Variants in CCDC170 observed in about 807,000 individuals in gnomAD.
CCDC170 encodes coiled-coil domain containing 170, also known as coiled-coil domain-containing protein 170.
Under a neutral mutation model 72.6 loss-of-function variants are expected in CCDC170, and 69 were observed. That is an observed-to-expected ratio of 0.95 (90% CI 0.78 to 1.16). The LOEUF is 1.16. CCDC170 is among the 50% of genes most tolerant of loss of function. The probability of loss-of-function intolerance (pLI) is 0.00; values close to 1 mark genes in which losing one functional copy is unlikely to be tolerated. For missense variants in CCDC170, 852 were observed against 832.5 expected (o/e 1.02, Z -0.29); for synonymous variants, 300 against 303.9 (o/e 0.99, Z 0.13).
intron 6 of CCDC170, among the ~76,000 whole-genome samples, chr6:151,584,065 A>T (rs1776416107): frequency 6.6e-6 from 1 of 152,258 alleles, no homozygotes; most frequent in Admixed American, 6.5e-5. Flanking sequence ...TGACACAGGG[A>T]CACAAAGTGA....
At chr6:151,513,743 AC>A (rs1782183755) in intron 1 of CCDC170, among the ~76,000 whole-genome samples, 1 of 151,356 alleles carries the variant, frequency 6.6e-6, no homozygotes, top group East Asian at 1.9e-4. Context: ...GATGATGAAA[AC>A]CCCGTCTCTA....
In CCDC170 at chr6:151,548,415, A is replaced by G. The variant is rs1292846871; in HGVS notation, c.700A>G (p.Arg234Gly). Residue 234 changes from arginine to glycine, a missense_variant, in exon 5 of 11, where the codon AGG (arginine) becomes GGG (glycine). Coordinates refer to ENST00000239374, the MANE Select transcript of CCDC170 (RefSeq NM_025059.4). ...AAAAGCTAGCAGAGAAACGATCATG[A>G]GGCTGGCTTCAGAAGTCAACAGAGA... The part of the protein sequence containing the change: ...EAKASRETIM[R>G]LASEVNREQK... 2.5e-6 allele frequency: 4 copies of G among 1,613,000 alleles called. No individual in the cohort carries two copies. In the African/African-American group the frequency reaches 5.3e-5, roughly 22 times the overall value.
intron 5 of CCDC170, among the ~76,000 whole-genome samples, chr6:151,570,839 C>A (rs547091249): frequency 1.3e-5 from 2 of 152,248 alleles, no homozygotes; most frequent in East Asian, 3.9e-4. Flanking sequence ...CTTTTAAGGA[C>A]CGTCATTTAA....
chr6:151,548,103 C>A (rs1021678059), intron 4 of CCDC170, among the ~76,000 whole-genome samples: 9 of 152,142 alleles, frequency 5.9e-5, no homozygotes, highest in Non-Finnish European at 1.0e-4. Context: ...CTTGTGGCCA[C>A]CTTTTGGATA....
intron 5 of CCDC170, among the ~76,000 whole-genome samples, chr6:151,563,852 G>A (rs1345530018): frequency 6.6e-6 from 1 of 152,148 alleles, no homozygotes; most frequent in Non-Finnish European, 1.5e-5. Flanking sequence ...CTTCTCAGGG[G>A]TCAATCTCTG....
chr6:151,582,956 C>T (rs1287110372), intron 6 of CCDC170, among the ~76,000 whole-genome samples: 1 of 150,658 alleles, frequency 6.6e-6, no homozygotes, highest in Admixed American at 6.6e-5. Context: ...CAAATATCCA[C>T]ACTGTATCAG....
chr6:151,548,524 C>A lies in CCDC170; in HGVS notation c.774+35C>A, dbSNP rs374638370. 1.1e-4 allele frequency: 158 copies of A among 1,444,058 alleles called. 1 individual carries two copies. The highest frequency in any genetic ancestry group is 1.3e-4 in the Non-Finnish European group (146 of 1,086,032). The allele number at this position is 1,444,058 out of a possible 1,614,324, so 89.5% of individuals were successfully genotyped here. A position where few individuals can be genotyped will look rare whatever the true frequency, so the allele number is the denominator to read the frequency against. On this transcript the variant is annotated intron_variant, in intron 5 of 10. Transcript: ENST00000239374. ...GTGAAGTATACGTGTGCATCTGGGACCATGTTGAAGAAGCAGAAATGGAAG... is the reference window on the plus strand; with the variant it reads ...GTGAAGTATACGTGTGCATCTGGGAACATGTTGAAGAAGCAGAAATGGAAG...
chr6:151,522,452 G>T (rs920114446), intron 1 of CCDC170, among the ~76,000 whole-genome samples: 7 of 152,088 alleles, frequency 4.6e-5, no homozygotes, highest in Admixed American at 2.0e-4. Flanking sequence ...GACTCATTCC[G>T]ATCACCTGCT....
chr6:151,562,042 C>T (rs898127153), intron 5 of CCDC170, among the ~76,000 whole-genome samples: 13 of 151,954 alleles, frequency 8.6e-5, no homozygotes, highest in African/African-American at 3.1e-4. Flanking sequence ...TTTGAAATTA[C>T]TTTAGTGATT....
chr6:151,542,176 G>A (rs1432768836), intron 3 of CCDC170, among the ~76,000 whole-genome samples: 1 of 151,044 alleles, frequency 6.6e-6, no homozygotes, highest in Non-Finnish European at 1.5e-5. Flanking sequence ...CACTGTACCT[G>A]GCCATATGTT....
rs377387471 is a variant in CCDC170 at position 151,596,512 on chromosome 6, C to A, written c.1645C>A (p.Leu549Met). Residue 549 changes from leucine to methionine, a missense_variant, in exon 9 of 11, where the codon CTG (leucine) becomes ATG (methionine). Transcript: ENST00000239374. ...QKKVERLQKE[L>M]NTCRDLHTEL... is the part of the protein sequence containing the mutation. The stretch of plus-strand genomic sequence containing the variant: ...GAAGGTGGAGAGGCTGCAGAAAGAG[C>A]TGAACACGTGTCGAGACTTGCACAC... The A allele has an allele frequency of 1.2e-6, 2 of 1,614,024 alleles. No homozygotes were observed. Among genetic ancestry groups the A allele is most frequent in the Admixed American group, 1.7e-5 (1 of 59,988 alleles).
At position 151,544,632 on chromosome 6, in the gene CCDC170, T is replaced by C. The variant is rs2115054658; in HGVS notation, c.504T>C (p.His168=). Residue 168 remains histidine, a synonymous_variant, in exon 4 of 11, where the codon CAT becomes CAC. Transcript: ENST00000239374. ...AAGTTTCAAAGAATTGCAGGAAACA[T>C]GAGGAATTTCTGACTCAACTGCGTG... ...KKQVSKNCRK[H]EEFLTQLRDC... The C allele has an allele frequency of 6.2e-7, 1 of 1,613,694 alleles. No individual in the cohort carries two copies. The highest frequency in any genetic ancestry group is 8.5e-7 in the Non-Finnish European group (1 of 1,179,654).
At chr6:151,596,718 T>C (rs578236482) in intron 9 of CCDC170, 141 bp downstream of exon 9, 8 of 1,230,666 alleles carry the variant, frequency 6.5e-6, no homozygotes, top group Non-Finnish European at 8.8e-6. Flanking sequence ...ATGGGAAAAA[T>C]GCAAAAATGA....
In CCDC170 at chr6:151,532,073, G is replaced by T. The variant is rs562273344; in HGVS notation, c.58-4245G>T. 3.9e-5 allele frequency among the ~76,000 whole-genome samples: 6 copies of T among 152,026 alleles called. No homozygotes were observed. The East Asian group carries it at 1.2e-3, about 29-fold the overall frequency. On this transcript the variant is annotated intron_variant, in intron 1 of 10. Coordinates refer to ENST00000239374, the MANE Select transcript of CCDC170 (RefSeq NM_025059.4). Reference sequence around the variant, plus strand: ...GCAATTAGTCAAGAAAAGGAATAGAGGTATAAAAATTGGAAAGAAGAAGGT... The same window carrying T: ...GCAATTAGTCAAGAAAAGGAATAGATGTATAAAAATTGGAAAGAAGAAGGT...
chr6:151,517,722 G>A (rs574375701), intron 1 of CCDC170, among the ~76,000 whole-genome samples: 13 of 152,112 alleles, frequency 8.5e-5, no homozygotes, highest in South Asian at 2.1e-4. Context: ...GATTACAGGC[G>A]TGAGCCACCG....
chr6:151,592,549 GT>G (rs1227061505), intron 7 of CCDC170, among the ~76,000 whole-genome samples: 1 of 152,074 alleles, frequency 6.6e-6, no homozygotes, highest in Admixed American at 6.5e-5. Context: ...AGCAAAAGGG[GT>G]TTTCCCCTTA....
intron 9 of CCDC170, among the ~76,000 whole-genome samples, chr6:151,612,511 A>G (rs535401343): frequency 2.0e-5 from 3 of 152,242 alleles, no homozygotes; most frequent in South Asian, 2.1e-4. Context: ...CACAACACCA[A>G]TGCCTTCTCA....
intron 1 of CCDC170, among the ~76,000 whole-genome samples, chr6:151,526,521 T>C: frequency 1.4e-5 from 2 of 143,876 alleles, no homozygotes. Flanking sequence ...CGCCTGGCCT[T>C]TTTTTTTTTT....
intron 5 of CCDC170, among the ~76,000 whole-genome samples, chr6:151,570,081 T>C (rs1380166493): frequency 6.6e-6 from 1 of 152,200 alleles, no homozygotes; most frequent in Non-Finnish European, 1.5e-5. Flanking sequence ...ATTAGTATGA[T>C]ATTGGGGTAG....
Sources: allele counts gnomAD v4.1 joint callset (sites outside exome capture counted in the v4.1 genomes callset), GRCh38; gene constraint gnomAD v4.1.1; transcripts MANE v1.5; gene names NCBI Gene and HGNC (gene_info 2026-07-23, HGNC 2026-07-21).